The following DGKI variants were observed in gnomAD, a reference collection of about 807,000 sequenced individuals.
The protein encoded by DGKI is DAG kinase iota.
Under a neutral mutation model 147.5 loss-of-function variants are expected in DGKI, and 55 were observed. That is an observed-to-expected ratio of 0.37 (90% CI 0.30 to 0.47). The LOEUF (loss-of-function observed/expected upper bound fraction) is 0.47. DGKI is among the 20% of genes least tolerant of loss of function. The pLI is 1.00. For synonymous variants in DGKI, 469 were observed against 477.1 expected (o/e 0.98, Z 0.22); for missense variants, 1,007 against 1,323.8 (o/e 0.76, Z 3.71).
intron 21 of DGKI, among the ~76,000 whole-genome samples, chr7:137,488,150 G>T (rs1815635292): frequency 6.6e-6 from 1 of 152,146 alleles, no homozygotes; most frequent in Non-Finnish European, 1.5e-5. Context: ...CTTCCTGAAT[G>T]CAGACAACTT....
intron 32 of DGKI, 46 bp downstream of exon 32, chr7:137,395,552 C>A (rs376682202): frequency 2.6e-6 from 4 of 1,565,962 alleles, no homozygotes; most frequent in South Asian, 1.1e-5. Context: ...ACAGCGCCTG[C>A]GATCTCGCCC....
chr7:137,633,405 G>A lies in DGKI; in HGVS notation c.805-9851C>T, dbSNP rs952180753. Among the ~76,000 whole-genome samples the A allele has an allele frequency of 3.3e-5, 5 of 152,258 alleles. No homozygotes were observed. The South Asian group carries it at 6.2e-4, about 19-fold the overall frequency. On this transcript the variant is annotated intron_variant, in intron 6 of 32. Transcript: ENST00000614521. ...TGTGTAAGAGGAAGCCCAAGTGAAA[G>A]CTTCAAACCATCCTTCTAGCCATAA...
intron 27 of DGKI, among the ~76,000 whole-genome samples, chr7:137,456,373 T>C (rs138790966): frequency 6.6e-6 from 1 of 152,204 alleles, no homozygotes; most frequent in Non-Finnish European, 1.5e-5. Flanking sequence ...GGGTTTAGTA[T>C]AGCAATATAA....
At chr7:137,597,052 C>T (rs954436840) in intron 12 of DGKI, among the ~76,000 whole-genome samples, 1 of 152,120 alleles carries the variant, frequency 6.6e-6, no homozygotes, top group African/African-American at 2.4e-5. Flanking sequence ...ATGGAGAAAA[C>T]CGATGAGGCA....
At chr7:137,595,305 G>A (rs1009340716) in intron 12 of DGKI, among the ~76,000 whole-genome samples, 1 of 152,210 alleles carries the variant, frequency 6.6e-6, no homozygotes, top group African/African-American at 2.4e-5. Context: ...CTGGCCATTA[G>A]GAATTTATTA....
At chr7:137,737,284 T>A (rs1339033943) in intron 1 of DGKI, among the ~76,000 whole-genome samples, 1 of 151,692 alleles carries the variant, frequency 6.6e-6, no homozygotes, top group Non-Finnish European at 1.5e-5. Context: ...GAAAAGATTC[T>A]TGATTTACAA....
intron 17 of DGKI, among the ~76,000 whole-genome samples, chr7:137,575,025 T>C (rs1818922129): frequency 6.6e-6 from 1 of 152,174 alleles, no homozygotes; most frequent in Non-Finnish European, 1.5e-5. Context: ...AATGATGTCA[T>C]TGCAAAAGTA....
intron 28 of DGKI, among the ~76,000 whole-genome samples, chr7:137,429,331 G>A (rs984931295): frequency 2.0e-5 from 3 of 152,094 alleles, no homozygotes; most frequent in Non-Finnish European, 2.9e-5. Context: ...AAATGGTGCT[G>A]GGAAAACTGG....
At chr7:137,624,753 T>C (rs969380500) in intron 6 of DGKI, among the ~76,000 whole-genome samples, 10 of 152,008 alleles carry the variant, frequency 6.6e-5, no homozygotes, top group East Asian at 1.9e-4. Flanking sequence ...TACAGGCGCC[T>C]GCCACCACGC....
chr7:137,685,144 G>T (rs1169112875), intron 2 of DGKI, among the ~76,000 whole-genome samples: 3 of 152,134 alleles, frequency 2.0e-5, no homozygotes, highest in Non-Finnish European at 4.4e-5. Flanking sequence ...GTGTTTCTTA[G>T]CATCGTCAAC....
intron 21 of DGKI, among the ~76,000 whole-genome samples, chr7:137,496,867 T>C (rs1195162563): frequency 6.6e-6 from 1 of 151,916 alleles, no homozygotes; most frequent in Admixed American, 6.6e-5. Context: ...CTAGGAAATA[T>C]CATTCTGGAC....
rs1811113855 is a variant in DGKI, at chr7:137,383,780, C to T, written c.*7440G>A. 6.6e-6 allele frequency: 1 copy of T among 151,998 alleles called. No homozygotes were observed. 9.4% of individuals were successfully genotyped at this position (151,998 alleles called of 1,614,324 possible). On this transcript the variant is annotated 3_prime_UTR_variant, in exon 33 of 33. Coordinates refer to ENST00000614521, the MANE Select transcript of DGKI (RefSeq NM_001321708.2). ...TTATTTTATTCTACAAATCATCTTC[C>T]CTGCAGAATTTGAAACTAACAGTCC... is the stretch of plus-strand genomic sequence containing the variant.
chr7:137,761,565 G>A (rs1795857108), intron 1 of DGKI, among the ~76,000 whole-genome samples: 1 of 152,110 alleles, frequency 6.6e-6, no homozygotes, highest in African/African-American at 2.4e-5. Flanking sequence ...TCTTCCTCTT[G>A]ATACTCTTCA....
chr7:137,510,803 A>G (rs1816555018), intron 21 of DGKI, among the ~76,000 whole-genome samples: 1 of 152,218 alleles, frequency 6.6e-6, no homozygotes, highest in Non-Finnish European at 1.5e-5. Context: ...AATTTTCTAA[A>G]ATCAGCTGAA....
intron 21 of DGKI, among the ~76,000 whole-genome samples, chr7:137,519,905 T>C (rs1346654598): frequency 6.6e-6 from 1 of 152,098 alleles, no homozygotes; most frequent in Admixed American, 6.6e-5. Flanking sequence ...TTTACATCTT[T>C]AGAATAACTC....
At chr7:137,825,609 C>T (rs553049286) in intron 1 of DGKI, among the ~76,000 whole-genome samples, 1 of 151,906 alleles carries the variant, frequency 6.6e-6, no homozygotes. Context: ...CACCCCCCAA[C>T]ACACAGACAC....
chr7:137,667,894 C>T (rs1312394669), intron 3 of DGKI, among the ~76,000 whole-genome samples: 1 of 152,094 alleles, frequency 6.6e-6, no homozygotes, highest in Non-Finnish European at 1.5e-5. Context: ...GACATCATAC[C>T]CACAGAGATT....
intron 29 of DGKI, among the ~76,000 whole-genome samples, 176 bp from the exon 30 acceptor site, chr7:137,408,171 A>G (rs973323576): frequency 6.6e-6 from 1 of 152,224 alleles, no homozygotes; most frequent in African/African-American, 2.4e-5. Context: ...ACTCACAGAG[A>G]TGACCAGTGT....
intron 20 of DGKI, among the ~76,000 whole-genome samples, chr7:137,541,372 A>C (rs546441617): frequency 2.6e-5 from 4 of 152,362 alleles, no homozygotes; most frequent in Admixed American, 6.5e-5. Flanking sequence ...GTCTATACCG[A>C]ACATGTACAG....
Sources: gnomAD v4.1 joint callset for allele counts (sites outside exome capture counted in the v4.1 genomes callset) on GRCh38, gnomAD v4.1.1 for gene constraint, MANE v1.5 for transcripts, NCBI Gene and HGNC (gene_info 2026-07-23, HGNC 2026-07-21) for gene names.